LRP1B: variants seen among roughly 807,000 people sequenced by gnomAD.
LRP1B encodes LDL receptor related protein 1B.
LRP1B carries 217 observed loss-of-function variants against 556.6 expected under a neutral mutation model. The ratio of observed to expected loss-of-function variants is 0.39; its 90% CI spans 0.35 to 0.44. LRP1B has a LOEUF of 0.44. LRP1B is among the 20% of genes least tolerant of loss of function. The pLI, the probability that LRP1B is intolerant of heterozygous loss-of-function variation, is 1.00. For synonymous variants in LRP1B, 2,047 were observed against 1,865.8 expected (o/e 1.10, Z -2.50); for missense variants, 5,053 against 5,620.8 (o/e 0.90, Z 3.23).
chr2:141,852,670 A>G (rs1015631584), intron 1 of LRP1B, among the ~76,000 whole-genome samples: 5 of 151,788 alleles, frequency 3.3e-5, no homozygotes, highest in Non-Finnish European at 7.4e-5. Context: ...ACATATAATA[A>G]AACAGCATTT....
intron 66 of LRP1B, among the ~76,000 whole-genome samples, chr2:140,410,227 A>G (rs1375889301): frequency 6.6e-6 from 1 of 152,040 alleles, no homozygotes; most frequent in Non-Finnish European, 1.5e-5. Context: ...TTTTTAATCA[A>G]TCAGCACAGA....
chr2:142,046,357 T>G (rs558033160), intron 1 of LRP1B, among the ~76,000 whole-genome samples: 1 of 152,082 alleles, frequency 6.6e-6, no homozygotes, highest in East Asian at 1.9e-4. Context: ...CTTCTGCAAC[T>G]GTAAAGAAAA....
intron 11 of LRP1B, among the ~76,000 whole-genome samples, chr2:141,035,750 T>A (rs1698514853): frequency 6.6e-6 from 1 of 152,044 alleles, no homozygotes; most frequent in African/African-American, 2.4e-5. Flanking sequence ...ATTTTTTTGT[T>A]AAAAAAATAC....
intron 18 of LRP1B, among the ~76,000 whole-genome samples, chr2:140,964,465 TGCTACG>T (rs1238460146): frequency 6.6e-6 from 1 of 152,248 alleles, no homozygotes; most frequent in East Asian, 2.0e-4. Flanking sequence ...TGACACATTT[TGCTACG>T]GCTGGACCAT....
chr2:141,635,482 G>C (rs1245947303), intron 2 of LRP1B, among the ~76,000 whole-genome samples: 2 of 152,096 alleles, frequency 1.3e-5, no homozygotes, highest in East Asian at 3.8e-4. Context: ...AAGAAAACTA[G>C]CACCTCTGTT....
chr2:141,514,062 C>T (rs917059961), intron 2 of LRP1B, among the ~76,000 whole-genome samples: 4 of 152,296 alleles, frequency 2.6e-5, no homozygotes, highest in Non-Finnish European at 5.9e-5. Flanking sequence ...TGTGGTCATT[C>T]TGGATATCCA....
chr2:141,781,546 C>T (rs999603903), intron 2 of LRP1B, among the ~76,000 whole-genome samples: 4 of 152,136 alleles, frequency 2.6e-5, no homozygotes, highest in Non-Finnish European at 4.4e-5. Context: ...ACTCTCTTCC[C>T]AGGTTTGGTC....
chr2:141,144,765 C>T (rs1392952759), intron 7 of LRP1B, among the ~76,000 whole-genome samples: 1 of 152,140 alleles, frequency 6.6e-6, no homozygotes, highest in Admixed American at 6.6e-5. Flanking sequence ...CTGGAAATGT[C>T]AGCAAATAGG....
chr2:140,735,624 C>G (rs918805613), intron 35 of LRP1B, among the ~76,000 whole-genome samples: 2 of 152,078 alleles, frequency 1.3e-5, no homozygotes, highest in Non-Finnish European at 2.9e-5. Context: ...CTGAAATACC[C>G]CTTGGACTCG....
chr2:141,660,478 C>A (rs1044122914), intron 2 of LRP1B, among the ~76,000 whole-genome samples: 1 of 151,864 alleles, frequency 6.6e-6, no homozygotes, highest in African/African-American at 2.4e-5. Flanking sequence ...TCTGGCAGTT[C>A]CCCCCCGCTG....
At chr2:141,473,243 G>A (rs776375488) in intron 3 of LRP1B, among the ~76,000 whole-genome samples, 14 of 152,184 alleles carry the variant, frequency 9.2e-5, no homozygotes, top group African/African-American at 1.2e-4. Context: ...ACATACATAT[G>A]TGCAAATATG....
chr2:141,500,684 G>T (rs1051532522), intron 2 of LRP1B, among the ~76,000 whole-genome samples: 4 of 152,064 alleles, frequency 2.6e-5, no homozygotes, highest in African/African-American at 9.7e-5. Flanking sequence ...TTCGGTCAGT[G>T]GTTCCTCTTG....
intron 3 of LRP1B, among the ~76,000 whole-genome samples, chr2:141,257,901 T>C (rs74631788): frequency 0.14 from 21,435 of 152,222 alleles, 1,526 homozygotes; most frequent in South Asian, 0.21. Context: ...CATGCAATGC[T>C]ATAATGACTA....
chr2:141,796,516 T>C (rs1695816677), intron 2 of LRP1B, among the ~76,000 whole-genome samples: 1 of 152,034 alleles, frequency 6.6e-6, no homozygotes, highest in Non-Finnish European at 1.5e-5. Context: ...TATGGATTTC[T>C]TTTTTCTTTC....
intron 5 of LRP1B, 106 bp from the exon 6 acceptor site, chr2:141,229,546 TAAC>T (rs1558947637): frequency 2.3e-6 from 2 of 853,330 alleles, no homozygotes; most frequent in Admixed American, 6.2e-5. Context: ...AATAAATTCA[TAAC>T]AAAAATTTTC....
At chr2:140,397,257 G>T (rs1684295140) in intron 66 of LRP1B, among the ~76,000 whole-genome samples, 1 of 152,028 alleles carries the variant, frequency 6.6e-6, no homozygotes, top group African/African-American at 2.4e-5. Flanking sequence ...GTGTGCCATT[G>T]TGGTTTGCTG....
At chr2:141,028,428 G>A (rs1237491406) in intron 11 of LRP1B, among the ~76,000 whole-genome samples, 1 of 151,866 alleles carries the variant, frequency 6.6e-6, no homozygotes, top group Admixed American at 6.6e-5. Context: ...AGGAAAGTGT[G>A]TTAAGACGGG....
chr2:141,827,289 C>A (rs954074448), intron 1 of LRP1B, among the ~76,000 whole-genome samples: 2 of 152,120 alleles, frequency 1.3e-5, no homozygotes, highest in Admixed American at 6.5e-5. Context: ...ATATCTTTGC[C>A]CTTTTACTTC....
At chr2:140,622,717 C>T (rs952335602) in intron 41 of LRP1B, among the ~76,000 whole-genome samples, 6 of 152,052 alleles carry the variant, frequency 3.9e-5, no homozygotes, top group Non-Finnish European at 8.8e-5. Context: ...GAGACAATAA[C>T]GAGGGGTAAT....
Sources: gnomAD v4.1 joint callset for allele counts (sites outside exome capture counted in the v4.1 genomes callset) on GRCh38, gnomAD v4.1.1 for gene constraint, MANE v1.5 for transcripts, NCBI Gene and HGNC (gene_info 2026-07-23, HGNC 2026-07-21) for gene names.